TRPC7: variants seen among roughly 807,000 people sequenced by gnomAD.
The protein encoded by TRPC7 is short transient receptor potential channel 7.
In TRPC7, 42 loss-of-function variants were observed where a neutral mutation model predicts 90.1. That is an observed-to-expected ratio of 0.47 (90% CI 0.36 to 0.60). The LOEUF (loss-of-function observed/expected upper bound fraction) is 0.60, where lower values mean the gene tolerates loss of function less well. TRPC7 is among the 20% of genes least tolerant of loss of function. TRPC7 has a pLI of 0.00. For missense variants in TRPC7, 955 were observed against 1,112.3 expected (o/e 0.86, Z 2.01); for synonymous variants, 451 against 436.3 (o/e 1.03, Z -0.42).
intron 7 of TRPC7, among the ~76,000 whole-genome samples, chr5:136,240,059 A>T (rs1396850999): frequency 6.6e-6 from 1 of 151,856 alleles, no homozygotes; most frequent in Non-Finnish European, 1.5e-5. Context: ...AGACTCTAAC[A>T]CTCTATCAGG....
chr5:136,337,939 G>A (rs1175357704), intron 2 of TRPC7, among the ~76,000 whole-genome samples: 1 of 152,140 alleles, frequency 6.6e-6, no homozygotes, highest in Admixed American at 6.5e-5. Context: ...CAGAAGGCTG[G>A]CAGCTGCATG....
rs144088539 is a variant in TRPC7 at position 136,296,083 on chromosome 5, C to T, written c.963+19514G>A. ...GTTGACATGGAAAGTGGTAAGGCTC[C>T]GGTATGGAAATGCTAAGGATATTTG... On this transcript the variant is annotated intron_variant, in intron 3 of 11. Coordinates refer to ENST00000513104, the MANE Select transcript of TRPC7 (RefSeq NM_020389.3). 6.8e-3 allele frequency among the ~76,000 whole-genome samples: 1,039 copies of T among 152,126 alleles called. 2 individuals carry two copies. Among genetic ancestry groups the T allele is most frequent in the South Asian group, 0.019 (94 of 4,824 alleles).
At chr5:136,297,036 G>C (rs139357022) in intron 3 of TRPC7, among the ~76,000 whole-genome samples, 2 of 152,030 alleles carry the variant, frequency 1.3e-5, no homozygotes, top group Non-Finnish European at 2.9e-5. Flanking sequence ...AAACGTGATC[G>C]CACCTTTATA....
intron 4 of TRPC7, among the ~76,000 whole-genome samples, chr5:136,270,266 A>G (rs915414847): frequency 6.6e-6 from 1 of 152,098 alleles, no homozygotes; most frequent in Non-Finnish European, 1.5e-5. Flanking sequence ...AGCTTCCTAT[A>G]TTTTTTTAAA....
At chr5:136,274,400 T>TGAGAAGAA (rs1192986918) in intron 4 of TRPC7, among the ~76,000 whole-genome samples, 5 of 152,220 alleles carry the variant, frequency 3.3e-5, no homozygotes, top group Non-Finnish European at 7.3e-5. Context: ...AAAGTGTCTT[T>TGAGAAGAA]ATTCTCAATT....
chr5:136,213,321 C>T lies in TRPC7; in HGVS notation c.*114G>A. On this transcript the variant is annotated 3_prime_UTR_variant, in exon 12 of 12. Transcript: ENST00000513104. Reference sequence around the variant, plus strand: ...CTGCAAGAGACTGAGCCAGGAGATCCCCTTCGTGTCCTAGAGGAGTGGGCT... The same window carrying T: ...CTGCAAGAGACTGAGCCAGGAGATCTCCTTCGTGTCCTAGAGGAGTGGGCT... The T allele has an allele frequency of 9.4e-7, 1 of 1,063,180 alleles. No individual in the cohort carries two copies. Among genetic ancestry groups the T allele is most frequent in the East Asian group, 2.6e-5 (1 of 38,870 alleles). 65.9% of individuals were successfully genotyped at this position (1,063,180 alleles called of 1,614,324 possible). A position where few individuals can be genotyped will look rare whatever the true frequency, so the allele number is the denominator to read the frequency against.
intron 3 of TRPC7, among the ~76,000 whole-genome samples, chr5:136,300,573 G>A (rs750948790): frequency 6.6e-6 from 1 of 152,210 alleles, no homozygotes; most frequent in African/African-American, 2.4e-5. Flanking sequence ...GATTCTAACA[G>A]TGTTTGGCAA....
intron 7 of TRPC7, among the ~76,000 whole-genome samples, chr5:136,232,105 CTGGCTG>C (rs1755836853): frequency 6.6e-6 from 1 of 152,196 alleles, no homozygotes; most frequent in Non-Finnish European, 1.5e-5. Context: ...ATTGGGACTC[CTGGCTG>C]TGGTATCACT....
Position 136,315,657 on chromosome 5 carries a change from G to A in TRPC7, c.903C>T (p.Ser301=), listed in dbSNP as rs763483533. 3 of 1,613,736 alleles carry A rather than the reference G, an allele frequency of 1.9e-6. No individual in the cohort carries two copies. Among genetic ancestry groups the A allele is most frequent in the East Asian group, 2.2e-5 (1 of 44,888 alleles). The change falls in exon 3 of 12, where the codon TCC becomes TCT. Residue 301 remains serine (S), a synonymous_variant. Transcript: ENST00000513104. ...LNGDVNFQVW[S]DHHRPSLSRI... is the part of the protein sequence containing the mutation. ...GGCTCAGACTTGGACGGTGGTGGTC[G>A]GACCAGACTTGGAAGTTCACATCAC...
chr5:136,298,496 G>A (rs990709192), intron 3 of TRPC7, among the ~76,000 whole-genome samples: 2 of 152,144 alleles, frequency 1.3e-5, no homozygotes, highest in Non-Finnish European at 2.9e-5. Flanking sequence ...TTAGAAAGAA[G>A]GTGCACCCAC....
At chr5:136,306,252 T>C (rs775887726) in intron 3 of TRPC7, among the ~76,000 whole-genome samples, 3 of 152,214 alleles carry the variant, frequency 2.0e-5, no homozygotes, top group Non-Finnish European at 2.9e-5. Context: ...TCTAATCATA[T>C]GTCCTAGGTC....
intron 4 of TRPC7, among the ~76,000 whole-genome samples, chr5:136,271,138 T>G (rs1757198355): frequency 6.6e-6 from 1 of 152,048 alleles, no homozygotes; most frequent in African/African-American, 2.4e-5. Context: ...ATGTTTGGGA[T>G]GGTGAAGAGG....
intron 7 of TRPC7, among the ~76,000 whole-genome samples, chr5:136,245,246 A>G (rs1756300746): frequency 6.6e-6 from 1 of 152,154 alleles, no homozygotes; most frequent in Non-Finnish European, 1.5e-5. Context: ...AGAGCCAAGC[A>G]CCTCTCAGGT....
chr5:136,287,885 G>T (rs947100213), intron 3 of TRPC7, among the ~76,000 whole-genome samples: 1 of 151,990 alleles, frequency 6.6e-6, no homozygotes, highest in Non-Finnish European at 1.5e-5. Context: ...CTTCAGGGCC[G>T]TGGTACAACA....
chr5:136,315,267 GCTAA>G (rs1170093960), intron 3 of TRPC7, among the ~76,000 whole-genome samples: 2 of 152,198 alleles, frequency 1.3e-5, no homozygotes, highest in Non-Finnish European at 2.9e-5. Context: ...GAACTGTGTT[GCTAA>G]CTGATAGGAG....
intron 3 of TRPC7, among the ~76,000 whole-genome samples, chr5:136,304,565 T>C: frequency 1.3e-5 from 2 of 152,166 alleles, no homozygotes; most frequent in Non-Finnish European, 2.9e-5. Context: ...ATCTCAAACA[T>C]GCTTTCTTTA....
chr5:136,262,834 C>T (rs1391107969), intron 5 of TRPC7, among the ~76,000 whole-genome samples: 1 of 152,154 alleles, frequency 6.6e-6, no homozygotes, highest in East Asian at 1.9e-4. Context: ...GAGGCACATT[C>T]CAGTCTGTAG....
rs185394106 is a variant in TRPC7, at chr5:136,299,673, G to A, written c.963+15924C>T. Among the ~76,000 whole-genome samples the A allele has an allele frequency of 4.3e-3, 649 of 152,240 alleles. 3 individuals carry two copies. The highest frequency in any genetic ancestry group is 0.015 in the African/African-American group (623 of 41,536). On this transcript the variant is annotated intron_variant, in intron 3 of 11. Transcript: ENST00000513104. ...AACTCTAAATTCATATATGAGCATC[G>A]AATAATGAGATAGAAATGTGTAGAT...
intron 7 of TRPC7, among the ~76,000 whole-genome samples, chr5:136,244,958 T>C (rs1756289267): frequency 6.6e-6 from 1 of 152,236 alleles, no homozygotes; most frequent in Admixed American, 6.5e-5. Context: ...TGAGGATAAA[T>C]TATTCACCAT....
Sources: allele counts gnomAD v4.1 joint callset (sites outside exome capture counted in the v4.1 genomes callset), GRCh38; gene constraint gnomAD v4.1.1; transcripts MANE v1.5; gene names NCBI Gene and HGNC (gene_info 2026-07-23, HGNC 2026-07-21).